TMEM117: variants seen among roughly 807,000 people sequenced by gnomAD.
The protein encoded by TMEM117 is transmembrane protein 117.
In TMEM117, 27 loss-of-function variants were observed where a neutral mutation model predicts 52.4. The observed-to-expected ratio is 0.51, with a 90% confidence interval of 0.38 to 0.71. TMEM117 has a LOEUF of 0.71. Ranked by LOEUF, TMEM117 falls within the 30% of genes least tolerant of loss-of-function variation. The probability of loss-of-function intolerance (pLI) is 0.00; values close to 1 mark genes in which losing one functional copy is unlikely to be tolerated. For missense variants in TMEM117, 556 were observed against 630.5 expected, an observed-to-expected ratio of 0.88 and a Z score of 1.26; for synonymous variants, 215 against 206.3, an observed-to-expected ratio of 1.04 and a Z score of -0.36.
At chr12:43,891,898 G>C (rs1040793609) in intron 2 of TMEM117, among the ~76,000 whole-genome samples, 2 of 152,048 alleles carry the variant, frequency 1.3e-5, no homozygotes, top group South Asian at 4.2e-4. Flanking sequence ...AAACTGTCCC[G>C]TGGAAAATAT....
intron 6 of TMEM117, among the ~76,000 whole-genome samples, chr12:44,315,299 G>C (rs1951040116): frequency 6.6e-6 from 1 of 152,022 alleles, no homozygotes. Flanking sequence ...TAGCTTTGGA[G>C]TTAGTTTATT....
At chr12:44,044,828 G>T (rs1226783315) in intron 3 of TMEM117, among the ~76,000 whole-genome samples, 1 of 152,228 alleles carries the variant, frequency 6.6e-6, no homozygotes, top group Non-Finnish European at 1.5e-5. Flanking sequence ...ACCTGGTTGT[G>T]CACTTTGCAT....
the TMEM117 span, chr12:43,805,639 T>C: frequency 9.1e-6 from 5 of 549,094 alleles, no homozygotes; most frequent in Admixed American, 2.3e-5. Context: ...GGGGAGTATC[T>C]AGGAAAAAGA....
At chr12:44,116,775 C>T (rs922374923) in intron 3 of TMEM117, among the ~76,000 whole-genome samples, 3 of 152,296 alleles carry the variant, frequency 2.0e-5, no homozygotes, top group Admixed American at 1.3e-4. Flanking sequence ...TTTTTTCTTA[C>T]CATCCTCATC....
chr12:43,949,785 C>A (rs769789272), intron 3 of TMEM117, among the ~76,000 whole-genome samples: 30 of 152,278 alleles, frequency 2.0e-4, no homozygotes, highest in Non-Finnish European at 4.0e-4. Context: ...TTAGCACAGG[C>A]AAGCATCAAG....
intron 3 of TMEM117, among the ~76,000 whole-genome samples, chr12:44,010,617 A>T (rs1270445877): frequency 1.3e-5 from 2 of 152,110 alleles, no homozygotes; most frequent in East Asian, 3.9e-4. Flanking sequence ...AAATTATTTT[A>T]TATGATTTTA....
intron 3 of TMEM117, chr12:44,009,096 A>C: frequency 2.8e-6 from 1 of 356,452 alleles, no homozygotes; most frequent in South Asian, 2.4e-5. Flanking sequence ...ATGAAGACAC[A>C]TAAGTTTTGG....
intron 3 of TMEM117, among the ~76,000 whole-genome samples, chr12:43,982,484 C>CT (rs897023390): frequency 1.4e-4 from 21 of 151,092 alleles, no homozygotes; most frequent in East Asian, 5.8e-4. Flanking sequence ...GTTTTCTAAC[C>CT]TTTTTTTTTC....
At chr12:44,396,942 C>T in the TMEM117 span, among the ~76,000 whole-genome samples, 1 of 152,022 alleles carries the variant, frequency 6.6e-6, no homozygotes, top group Admixed American at 6.6e-5. Flanking sequence ...TGATAGAGGA[C>T]TCCATGACTC....
At chr12:43,837,064 T>C (rs1943044074) in intron 1 of TMEM117, among the ~76,000 whole-genome samples, 1 of 152,124 alleles carries the variant, frequency 6.6e-6, no homozygotes, top group Non-Finnish European at 1.5e-5. Flanking sequence ...TTGTAAAGTA[T>C]TGACATTTGA....
At chr12:44,385,065 A>T (rs1462705931) in intron 7 of TMEM117, among the ~76,000 whole-genome samples, 1 of 152,202 alleles carries the variant, frequency 6.6e-6, no homozygotes, top group African/African-American at 2.4e-5. Context: ...ATTTGAAAAT[A>T]GAATAACCGT....
At chr12:43,900,768 G>C (rs1416329070) in intron 2 of TMEM117, among the ~76,000 whole-genome samples, 7 of 151,976 alleles carry the variant, frequency 4.6e-5, no homozygotes, top group Admixed American at 2.0e-4. Context: ...CTTTTTGGGG[G>C]AGGGGTTATT....
intron 3 of TMEM117, among the ~76,000 whole-genome samples, chr12:44,075,260 T>A (rs1688726): frequency 0.05 from 7,664 of 152,256 alleles, 626 homozygotes; most frequent in African/African-American, 0.17. Flanking sequence ...TGGCTTCAAA[T>A]CTAGGAGCTG....
intron 3 of TMEM117, among the ~76,000 whole-genome samples, chr12:44,077,095 A>T (rs921262437): frequency 6.6e-6 from 1 of 152,196 alleles, no homozygotes; most frequent in Non-Finnish European, 1.5e-5. Context: ...GTTCCTGGGG[A>T]GTTAACAAAT....
intron 2 of TMEM117, among the ~76,000 whole-genome samples, chr12:43,924,091 A>G (rs1944739111): frequency 6.6e-6 from 1 of 152,174 alleles, no homozygotes; most frequent in Non-Finnish European, 1.5e-5. Context: ...TGGGATTTCA[A>G]ACAAAAAATG....
intron 3 of TMEM117, among the ~76,000 whole-genome samples, chr12:43,960,291 G>A (rs963473214): frequency 2.0e-5 from 3 of 151,696 alleles, no homozygotes; most frequent in African/African-American, 7.3e-5. Flanking sequence ...AGGCCCTGGA[G>A]AGGGGGGTTG....
At chr12:44,263,056 T>G (rs1283731191) in intron 5 of TMEM117, among the ~76,000 whole-genome samples, 5 of 152,220 alleles carry the variant, frequency 3.3e-5, no homozygotes, top group African/African-American at 9.6e-5. Flanking sequence ...GACTTTTCTT[T>G]TGCTATGTCA....
intron 3 of TMEM117, among the ~76,000 whole-genome samples, chr12:44,067,541 A>C (rs1391791113): frequency 6.6e-6 from 1 of 152,208 alleles, no homozygotes; most frequent in Non-Finnish European, 1.5e-5. Flanking sequence ...TTGGGTGACC[A>C]AGATTGTCAT....
chr12:43,990,915 A>AT (rs2137748765), intron 3 of TMEM117, among the ~76,000 whole-genome samples: 1 of 152,252 alleles, frequency 6.6e-6, no homozygotes, highest in African/African-American at 2.4e-5. Context: ...AAATTAGCAT[A>AT]TTATTATACG....
Sources: gnomAD v4.1 joint callset for allele counts (sites outside exome capture counted in the v4.1 genomes callset) on GRCh38, gnomAD v4.1.1 for gene constraint, MANE v1.5 for transcripts, NCBI Gene and HGNC (gene_info 2026-07-23, HGNC 2026-07-21) for gene names.